The following ZSWIM6 variants were observed in gnomAD, a reference collection of about 807,000 sequenced individuals.
ZSWIM6 encodes zinc finger SWIM domain-containing protein 6.
In ZSWIM6, 9 loss-of-function variants were observed where a neutral mutation model predicts 113.2. That is an observed-to-expected ratio of 0.08 (90% CI 0.05 to 0.14). The LOEUF (loss-of-function observed/expected upper bound fraction) is 0.14. ZSWIM6 is among the 10% of genes least tolerant of loss of function. The pLI is 1.00. For missense variants in ZSWIM6, 1,162 were observed against 1,552.2 expected, an observed-to-expected ratio of 0.75 and a Z score of 4.22; for synonymous variants, 611 against 606.5, an observed-to-expected ratio of 1.01 and a Z score of -0.11.
intron 4 of ZSWIM6, among the ~76,000 whole-genome samples, chr5:61,497,106 G>GAAAA (rs34912981): frequency 8.3e-6 from 1 of 119,802 alleles, no homozygotes; most frequent in African/African-American, 3.2e-5. Flanking sequence ...AGTACACCAG[G>GAAAA]AAAAAAAAAA....
intron 1 of ZSWIM6, among the ~76,000 whole-genome samples, chr5:61,350,714 A>T (rs972916533): frequency 6.6e-6 from 1 of 152,178 alleles, no homozygotes; most frequent in African/African-American, 2.4e-5. Context: ...AGCTTGGGGA[A>T]GATACCTGAG....
At chr5:61,362,248 G>A (rs1745045907) in intron 1 of ZSWIM6, among the ~76,000 whole-genome samples, 1 of 151,578 alleles carries the variant, frequency 6.6e-6, no homozygotes, top group Non-Finnish European at 1.5e-5. Context: ...CCCCAGGCTG[G>A]AATGCAATGG....
At chr5:61,400,014 A>G (rs934827077) in intron 1 of ZSWIM6, among the ~76,000 whole-genome samples, 3 of 152,162 alleles carry the variant, frequency 2.0e-5, no homozygotes, top group Non-Finnish European at 4.4e-5. Context: ...AGCTTTGTGC[A>G]ACCTTCCTGA....
At chr5:61,415,305 C>G (rs1052867963) in intron 1 of ZSWIM6, among the ~76,000 whole-genome samples, 9 of 152,036 alleles carry the variant, frequency 5.9e-5, no homozygotes, top group Non-Finnish European at 1.3e-4. Context: ...AGGATAAAAA[C>G]CCTTGGGCTG....
intron 1 of ZSWIM6, among the ~76,000 whole-genome samples, chr5:61,417,132 A>G (rs1746274963): frequency 6.6e-6 from 1 of 151,688 alleles, no homozygotes; most frequent in African/African-American, 2.4e-5. Context: ...ACAAGAGCAA[A>G]CTCCGTCTCG....
intron 1 of ZSWIM6, among the ~76,000 whole-genome samples, chr5:61,449,058 G>C (rs570366176): frequency 5.3e-5 from 8 of 152,282 alleles, no homozygotes; most frequent in African/African-American, 1.7e-4. Flanking sequence ...TACAATTCCT[G>C]TTGGGCATTT....
In ZSWIM6 at chr5:61,434,270, A is replaced by T. The variant is rs1002530726; in HGVS notation, c.677-38411A>T. Among the ~76,000 whole-genome samples, 8 of 150,308 alleles carry T rather than the reference A, an allele frequency of 5.3e-5. No individual in the cohort carries two copies. The Admixed American group carries it at 5.3e-4, about 10-fold the overall frequency. On this transcript the variant is annotated intron_variant, in intron 1 of 13. Coordinates refer to ENST00000252744, the MANE Select transcript of ZSWIM6 (RefSeq NM_020928.2). ...TAAAATATGTACATTTTACTATGGA[A>T]AACTTTTTAATACTACAGTTACTTA...
intron 7 of ZSWIM6, 35 bp from the exon 8 acceptor site, chr5:61,530,017 A>G (rs1749387912): frequency 2.0e-6 from 3 of 1,511,336 alleles, no homozygotes; most frequent in Admixed American, 2.1e-5. Context: ...TCTCCCTTCT[A>G]CTCCCCCATT....
chr5:61,400,791 C>T (rs1345330344), intron 1 of ZSWIM6, among the ~76,000 whole-genome samples: 3 of 152,116 alleles, frequency 2.0e-5, no homozygotes, highest in Non-Finnish European at 2.9e-5. Context: ...GAGTCCATCC[C>T]AAGTGGTTGA....
chr5:61,397,277 A>G (rs1009948993), intron 1 of ZSWIM6, among the ~76,000 whole-genome samples: 1 of 152,232 alleles, frequency 6.6e-6, no homozygotes, highest in African/African-American at 2.4e-5. Context: ...AAATGTTTTT[A>G]TGTAATCAAA....
chr5:61,470,223 T>C (rs550410510), intron 1 of ZSWIM6, among the ~76,000 whole-genome samples: 3 of 152,300 alleles, frequency 2.0e-5, no homozygotes, highest in East Asian at 3.9e-4. Context: ...AGAGATGTGA[T>C]AGTGTTAAGT....
At chr5:61,474,358 T>C (rs1747653929) in intron 2 of ZSWIM6, among the ~76,000 whole-genome samples, 1 of 152,208 alleles carries the variant, frequency 6.6e-6, no homozygotes, top group Non-Finnish European at 1.5e-5. Context: ...AATAGAAATA[T>C]AACATGAGCC....
intron 1 of ZSWIM6, among the ~76,000 whole-genome samples, chr5:61,377,858 G>T (rs945524024): frequency 1.3e-4 from 20 of 152,174 alleles, no homozygotes; most frequent in Middle Eastern, 3.4e-3. Context: ...AATGGACAAA[G>T]AACAAATATG....
At chr5:61,403,447 A>AT (rs200444455) in intron 1 of ZSWIM6, among the ~76,000 whole-genome samples, 1,732 of 152,358 alleles carry the variant, frequency 0.011, 26 homozygotes, top group African/African-American at 0.039. Context: ...GCAGGGGACC[A>AT]TTGTAAACAG....
intron 3 of ZSWIM6, among the ~76,000 whole-genome samples, chr5:61,493,323 C>T (rs1748230177): frequency 1.3e-5 from 2 of 152,066 alleles, no homozygotes; most frequent in Non-Finnish European, 2.9e-5. Context: ...GAGAGAGAAC[C>T]TTTATGCAAT....
At chr5:61,477,975 G>A (rs1186170905) in intron 2 of ZSWIM6, among the ~76,000 whole-genome samples, 1 of 152,160 alleles carries the variant, frequency 6.6e-6, no homozygotes, top group Non-Finnish European at 1.5e-5. Flanking sequence ...GTCATCTGAT[G>A]GAGGACTCAT....
chr5:61,346,707 C>T (rs1744665696), intron 1 of ZSWIM6, among the ~76,000 whole-genome samples: 1 of 152,128 alleles, frequency 6.6e-6, no homozygotes, highest in African/African-American at 2.4e-5. Context: ...GATGACTTTC[C>T]TTATTAGAAC....
chr5:61,418,914 C>G (rs1053788313), intron 1 of ZSWIM6, among the ~76,000 whole-genome samples: 1 of 152,184 alleles, frequency 6.6e-6, no homozygotes, highest in Non-Finnish European at 1.5e-5. Flanking sequence ...CTCCACCTCC[C>G]AGGTTCAAGC....
intron 1 of ZSWIM6, among the ~76,000 whole-genome samples, chr5:61,339,632 A>G (rs1439405438): frequency 6.6e-6 from 1 of 152,220 alleles, no homozygotes. Context: ...GTTATATTTA[A>G]GAGCACAAAT....
Sources: allele counts gnomAD v4.1 joint callset (sites outside exome capture counted in the v4.1 genomes callset), GRCh38; gene constraint gnomAD v4.1.1; transcripts MANE v1.5; gene names NCBI Gene and HGNC (gene_info 2026-07-23, HGNC 2026-07-21).